TMEM94: variants seen among roughly 807,000 people sequenced by gnomAD.
TMEM94 encodes the protein ER Mg2+ ATPase.
TMEM94 carries 81 observed loss-of-function variants against 158.6 expected under a neutral mutation model. The ratio of observed to expected loss-of-function variants is 0.51; its 90% CI spans 0.43 to 0.61. The LOEUF (loss-of-function observed/expected upper bound fraction) is 0.61, where lower values mean the gene tolerates loss of function less well. Ranked by LOEUF, TMEM94 falls within the 20% of genes least tolerant of loss-of-function variation. The pLI, the probability that TMEM94 is intolerant of heterozygous loss-of-function variation, is 0.00. For missense variants in TMEM94, 1,435 were observed against 1,762.0 expected, an observed-to-expected ratio of 0.81 and a Z score of 3.32; for synonymous variants, 751 against 730.7, an observed-to-expected ratio of 1.03 and a Z score of -0.45.
chr17:75,476,945 C>T (rs555726443), intron 2 of TMEM94, among the ~76,000 whole-genome samples: 3 of 152,270 alleles, frequency 2.0e-5, no homozygotes, highest in South Asian at 2.1e-4. Context: ...TGGGTAGCTG[C>T]CAGCCAGGTG....
Position 75,487,797 on chromosome 17 carries a change from AACG to A in TMEM94, c.410-133_410-131del, listed in dbSNP as rs2051748256. 1 of 695,938 alleles carries A rather than the reference AACG, an allele frequency of 1.4e-6. No individual in the cohort carries two copies. 43.1% of individuals were successfully genotyped at this position (695,938 alleles called of 1,614,324 possible). ...ATCCTTGAAAGCAGGGAAGTGTTGGAACGAGTGGAGGGGTTTGACGCAGACCTC... is the reference window on the plus strand; with the variant it reads ...ATCCTTGAAAGCAGGGAAGTGTTGGAAGTGGAGGGGTTTGACGCAGACCTC... On this transcript the variant is annotated intron_variant, in intron 5 of 31. Transcript: ENST00000314256. This position sits in a 1 kb window ranked among gnomAD's most constrained non-coding sequence, Gnocchi z 4.6.
At chr17:75,465,679 A>ATATATATATATATATATATATTTTTTT (rs1247855961) in intron 1 of TMEM94, among the ~76,000 whole-genome samples, 1 of 124,844 alleles carries the variant, frequency 8.0e-6, no homozygotes, top group African/African-American at 3.5e-5. Flanking sequence ...ATATATATAT[A>ATATATATATATATATATATATTTTTTT]TTTTTTTTTA....
rs1433704840 is a variant in TMEM94 at position 75,485,717 on chromosome 17, C to G, written c.145-154C>G. On this transcript the variant is annotated intron_variant, in intron 3 of 31. Coordinates refer to ENST00000314256, the MANE Select transcript of TMEM94 (RefSeq NM_014738.6). The surrounding 1 kb of genome is among the most constrained non-coding windows in gnomAD (Gnocchi z 5.5). ...GTTCCCCTCAGAGTGGCTCCTGAGC[C>G]TGCTTGCTGCAGGAGCCCAACAGGC... 3.8e-6 allele frequency: 5 copies of G among 1,327,306 alleles called. No homozygotes were observed. Among genetic ancestry groups the G allele is most frequent in the Non-Finnish European group, 5.1e-6 (5 of 974,062 alleles). The allele number at this position is 1,327,306 out of a possible 1,614,324, so 82.2% of individuals were successfully genotyped here.
In TMEM94 at chr17:75,485,448, G is replaced by A; in HGVS notation, c.45G>A (p.Leu15=). The change falls in exon 3 of 32, where the codon CTG becomes CTA. Residue 15 remains leucine, a synonymous_variant. Coordinates refer to ENST00000314256, the MANE Select transcript of TMEM94 (RefSeq NM_014738.6). This position sits in a 1 kb window ranked among gnomAD's most constrained non-coding sequence, Gnocchi z 5.5. ...EKHLGEPPSA[L]GLSTRKALSV... is the part of the protein sequence containing the mutation. ...TGCAGGGCGAGCCTCCCTCAGCCCT[G>A]GGCCTGTCCACGCGGAAGGCCCTCA... The A allele has an allele frequency of 6.2e-7, 1 of 1,614,092 alleles. No individual in the cohort carries two copies. The highest frequency in any genetic ancestry group is 1.1e-5 in the South Asian group (1 of 91,080).
Position 75,488,903 on chromosome 17 carries a change from A to G in TMEM94, c.757A>G (p.Asn253Asp). The G allele has an allele frequency of 6.3e-7, 1 of 1,584,096 alleles. No homozygotes were observed. The highest frequency in any genetic ancestry group is 8.6e-7 in the Non-Finnish European group (1 of 1,162,948). The stretch of plus-strand genomic sequence containing the variant: ...TGTCCTTGAGACCCCTGTGATTGAC[A>G]ACATCAGGTAGGGGTGCTGCCCCGC... ...FRVLETPVID[N>D]IRWCLDMALS... Residue 253 changes from asparagine (N) to aspartate (D), a missense_variant, in exon 7 of 32, where the codon AAC (asparagine) becomes GAC (aspartate). By Grantham distance (23) the Asn-to-Asp change is conservative. Around this residue, in one of 3 missense-constraint regions of TMEM94, gnomAD observed 1,051 missense variants for 1,254.4 expected, o/e 0.84. Coordinates refer to ENST00000314256, the MANE Select transcript of TMEM94 (RefSeq NM_014738.6).
rs560337496 is a variant in TMEM94 at position 75,489,037 on chromosome 17, T to G, written c.764+127T>G. On this transcript the variant is annotated intron_variant, in intron 7 of 31. Coordinates refer to ENST00000314256, the MANE Select transcript of TMEM94 (RefSeq NM_014738.6). This position sits in a 1 kb window ranked among gnomAD's most constrained non-coding sequence, Gnocchi z 5.0. Reference sequence around the variant, plus strand: ...GGGCAGGCATCTCCTTAGGCTCCTGTCCTTAACATCTTGTGAGAATTCTTA... The same window carrying G: ...GGGCAGGCATCTCCTTAGGCTCCTGGCCTTAACATCTTGTGAGAATTCTTA... 7.5e-5 allele frequency: 80 copies of G among 1,060,702 alleles called. No individual in the cohort carries two copies. In the African/African-American group the frequency reaches 1.3e-3, roughly 17 times the overall value. 65.7% of individuals were successfully genotyped at this position (1,060,702 alleles called of 1,614,324 possible).
rs917748634 is a variant in TMEM94, at chr17:75,495,476, G to A, written c.2845-68G>A. ...TCCAGGGGAGAGGTAGAGAGGTGGT[G>A]GGCAGGCGGTGGAGGGGAGGGATGC... On this transcript the variant is annotated intron_variant, in intron 21 of 31. Coordinates refer to ENST00000314256, the MANE Select transcript of TMEM94 (RefSeq NM_014738.6). The surrounding 1 kb of genome is among the most constrained non-coding windows in gnomAD (Gnocchi z 5.6). The A allele has an allele frequency of 2.5e-6, 4 of 1,591,466 alleles. No homozygotes were observed. In the Admixed American group the frequency reaches 5.0e-5, roughly 20 times the overall value.
At chr17:75,493,210 T>A in intron 16 of TMEM94, 108 bp downstream of exon 16, 1 of 1,207,872 alleles carries the variant, frequency 8.3e-7, no homozygotes, top group Admixed American at 2.5e-5. Context: ...AGATGAAAAG[T>A]AGACTGCTTC....
At chr17:75,471,384 G>T (rs562276288) in intron 1 of TMEM94, among the ~76,000 whole-genome samples, 1 of 152,236 alleles carries the variant, frequency 6.6e-6, no homozygotes, top group South Asian at 2.1e-4. Context: ...CCTGGGGGAA[G>T]CTCTGCTGCT....
Position 75,498,492 on chromosome 17 carries a change from G to T in TMEM94, c.3687G>T (p.Leu1229=). 2 of 1,593,736 alleles carry T rather than the reference G, an allele frequency of 1.3e-6. No homozygotes were observed. The highest frequency in any genetic ancestry group is 2.3e-5 in the South Asian group (2 of 87,836). ...PAWFEDFANG[L]LSAQKLTAAL... is the part of the protein sequence containing the mutation. ...GGTTTGAGGACTTTGCCAATGGACTGCTGTCGGCTCAGAAGCTCACGGCCG... is the reference window on the plus strand; with the variant it reads ...GGTTTGAGGACTTTGCCAATGGACTTCTGTCGGCTCAGAAGCTCACGGCCG... The change falls in exon 29 of 32, where the codon CTG becomes CTT. Residue 1229 remains leucine (L), a synonymous_variant. Coordinates refer to ENST00000314256, the MANE Select transcript of TMEM94 (RefSeq NM_014738.6). The surrounding 1 kb of genome is among the most constrained non-coding windows in gnomAD (Gnocchi z 6.7).
At chr17:75,496,522 G>T (rs752192276) in intron 24 of TMEM94, 51 bp downstream of exon 24, 50 of 1,580,394 alleles carry the variant, frequency 3.2e-5, no homozygotes, top group Non-Finnish European at 3.7e-5. Context: ...GGACCCGCCT[G>T]GGGTGGGAGT....
intron 2 of TMEM94, among the ~76,000 whole-genome samples, chr17:75,479,826 G>C (rs1163259449): frequency 4.6e-5 from 7 of 152,194 alleles, no homozygotes; most frequent in African/African-American, 1.7e-4. Flanking sequence ...GCTGAGGTGA[G>C]AGAATTACCT....
At chr17:75,476,974 G>A (rs2050726134) in intron 2 of TMEM94, among the ~76,000 whole-genome samples, 1 of 152,182 alleles carries the variant, frequency 6.6e-6, no homozygotes, top group African/African-American at 2.4e-5. Context: ...ACCCAGAGCA[G>A]GACTGGACCC....
chr17:75,481,437 G>C (rs968868276), intron 2 of TMEM94, among the ~76,000 whole-genome samples: 1 of 152,234 alleles, frequency 6.6e-6, no homozygotes, highest in African/African-American at 2.4e-5. Context: ...CTGGGGCCAG[G>C]CCCCGTCCCT....
intron 4 of TMEM94, 35 bp downstream of exon 4, chr17:75,486,033 G>A (rs749416056): frequency 3.2e-6 from 5 of 1,575,374 alleles, no homozygotes; most frequent in East Asian, 2.3e-5. Context: ...AACCTCTCCA[G>A]CTGTGCTGTC....
intron 1 of TMEM94, among the ~76,000 whole-genome samples, chr17:75,463,289 T>A (rs1400356587): frequency 1.3e-5 from 2 of 149,928 alleles, no homozygotes; most frequent in Non-Finnish European, 2.9e-5. Flanking sequence ...CCTCCCAGAG[T>A]AAGCCTGGCC....
In TMEM94 at chr17:75,496,392, C is replaced by T. The variant is rs2052685411; in HGVS notation, c.3164C>T (p.Ser1055Leu). 1 of 1,613,826 alleles carries T rather than the reference C, an allele frequency of 6.2e-7. No homozygotes were observed. Among genetic ancestry groups the T allele is most frequent in the African/African-American group, 1.3e-5 (1 of 74,936 alleles). The change falls in exon 24 of 32, where the codon TCA becomes TTA. Residue 1055 changes from serine to leucine, a missense_variant. Physicochemically the swap from Ser to Leu is moderately radical, Grantham distance 145. Coordinates refer to ENST00000314256, the MANE Select transcript of TMEM94 (RefSeq NM_014738.6). Reference protein sequence around the residue: ...ASDGLSPLQLSGQLNSLPCSL... With the variant: ...ASDGLSPLQLLGQLNSLPCSL... Reference sequence around the variant, plus strand: ...GATGGCCTTTCTCCCCTGCAGCTGTCAGGGCAGCTCAACAGCCTGCCCTGT... The same window carrying T: ...GATGGCCTTTCTCCCCTGCAGCTGTTAGGGCAGCTCAACAGCCTGCCCTGT...
chr17:75,472,090 G>A, intron 2 of TMEM94, 161 bp downstream of exon 2: 1 of 657,110 alleles, frequency 1.5e-6, no homozygotes, highest in Non-Finnish European at 2.7e-6. Context: ...TGACCTCTTG[G>A]CTGGAAAGCA....
At chr17:75,482,884 T>C (rs1364136443) in intron 2 of TMEM94, among the ~76,000 whole-genome samples, 4 of 152,322 alleles carry the variant, frequency 2.6e-5, no homozygotes, top group East Asian at 1.9e-4. Context: ...ATTCAGAGCC[T>C]GTTTTTAAGG....
Sources: allele counts gnomAD v4.1 joint callset (sites outside exome capture counted in the v4.1 genomes callset), GRCh38; gene constraint gnomAD v4.1.1; regional missense constraint gnomAD v4.1.1; non-coding constraint Gnocchi (gnomAD v3.1); transcripts MANE v1.5; gene names NCBI Gene and HGNC (gene_info 2026-07-23, HGNC 2026-07-21).